Variants in RANBP2 observed in about 807,000 individuals in gnomAD.
RANBP2 encodes RAN binding protein 2, also known as E3 SUMO-protein ligase RanBP2.
A neutral mutation model predicts 303.6 loss-of-function variants in RANBP2; 57 were observed. The observed-to-expected ratio is 0.19, with a 90% CI of 0.15 to 0.23. The LOEUF is 0.23. Among genes scored for constraint, RANBP2 ranks in the 10% least tolerant of loss-of-function variants. RANBP2 has a pLI of 1.00. For synonymous variants in RANBP2, 1,167 were observed against 1,301.5 expected (o/e 0.90, Z 2.23); for missense variants, 3,138 against 3,780.8 (o/e 0.83, Z 4.46).
At position 108,766,359 on chromosome 2, in the gene RANBP2, A is replaced by G. The variant is rs577551183; in HGVS notation, c.5820A>G (p.Gln1940=). The change falls in exon 20 of 29, where the codon CAA becomes CAG. Residue 1940 remains glutamine, a synonymous_variant. Transcript: ENST00000283195. The part of the protein sequence containing the change: ...QKNGRGVIFG[Q]TSSTFTFADL... ...ATGGCCGTGGTGTGATTTTTGGCCA[A>G]ACAAGTAGCACTTTTACATTTGCAG... is the stretch of plus-strand genomic sequence containing the variant. 3.7e-6 allele frequency: 6 copies of G among 1,612,014 alleles called. No homozygotes were observed. Among genetic ancestry groups the G allele is most frequent in the South Asian group, 3.3e-5 (3 of 90,990 alleles).
the RANBP2 span, among the ~76,000 whole-genome samples, chr2:109,199,587 T>TCAACCCGAGTGCA: frequency 1.0e-3 from 1 of 978 alleles, no homozygotes; most frequent in Non-Finnish European, 2.3e-3. Context: ...TGGAATGGAA[T>TCAACCCGAGTGCA]GGAATGGAAT....
chr2:109,214,639 C>T, the RANBP2 span, among the ~76,000 whole-genome samples: 4 of 152,208 alleles, frequency 2.6e-5, no homozygotes, highest in South Asian at 6.2e-4. Context: ...CCTGGAAGAA[C>T]GTCTCTGCCT....
chr2:109,243,216 A>G, the RANBP2 span, among the ~76,000 whole-genome samples: 1 of 152,240 alleles, frequency 6.6e-6, no homozygotes, highest in Non-Finnish European at 1.5e-5. Flanking sequence ...AGAGGTCTGC[A>G]GATCCCCTGC....
At chr2:109,054,691 C>T in the RANBP2 span, among the ~76,000 whole-genome samples, 3 of 144,330 alleles carry the variant, frequency 2.1e-5, no homozygotes, top group African/African-American at 7.9e-5. Flanking sequence ...AGTGAGACTC[C>T]GTCTCAAAAA....
chr2:109,343,882 T>G, the RANBP2 span, among the ~76,000 whole-genome samples: 3,944 of 152,212 alleles, frequency 0.026, 160 homozygotes, highest in African/African-American at 0.088. Context: ...TAGCTGAGAC[T>G]ACAGGTACTT....
At chr2:109,239,347 G>A in the RANBP2 span, among the ~76,000 whole-genome samples, 1 of 152,098 alleles carries the variant, frequency 6.6e-6, no homozygotes, top group Non-Finnish European at 1.5e-5. Flanking sequence ...AAGATTCAAT[G>A]GGTCATTTCC....
chr2:109,010,027 G>A, the RANBP2 span, among the ~76,000 whole-genome samples: 33 of 152,172 alleles, frequency 2.2e-4, no homozygotes, highest in East Asian at 5.4e-3. Context: ...TGGATGTACT[G>A]TAAAGTATTT....
At chr2:109,098,914 G>A in the RANBP2 span, among the ~76,000 whole-genome samples, 1 of 152,310 alleles carries the variant, frequency 6.6e-6, no homozygotes, top group South Asian at 2.1e-4. Flanking sequence ...TGAAGTTGTA[G>A]ATTGCTCTGA....
At chr2:108,796,297 G>A in the RANBP2 span, among the ~76,000 whole-genome samples, 230 of 150,998 alleles carry the variant, frequency 1.5e-3, no homozygotes, top group African/African-American at 5.3e-3. Flanking sequence ...CTCGTGATCC[G>A]CCCGCCTCTG....
the RANBP2 span, among the ~76,000 whole-genome samples, chr2:109,499,499 G>A: frequency 6.6e-6 from 1 of 152,180 alleles, no homozygotes. Flanking sequence ...AAGGGCTGGG[G>A]GTGCAGGGGC....
chr2:108,827,410 T>C, the RANBP2 span, among the ~76,000 whole-genome samples: 1 of 152,226 alleles, frequency 6.6e-6, no homozygotes, highest in African/African-American at 2.4e-5. Context: ...ACTACAAATT[T>C]TATTTAATGA....
At chr2:109,711,441 C>A in the RANBP2 span, among the ~76,000 whole-genome samples, 9 of 152,144 alleles carry the variant, frequency 5.9e-5, no homozygotes, top group Admixed American at 4.6e-4. Flanking sequence ...TGCACAGCAG[C>A]CAGAAGAGTC....
At chr2:109,079,114 T>C in the RANBP2 span, among the ~76,000 whole-genome samples, 66 of 152,292 alleles carry the variant, frequency 4.3e-4, no homozygotes, top group African/African-American at 1.4e-3. Flanking sequence ...AGTCCACTTA[T>C]ATGGGGATTT....
the RANBP2 span, chr2:109,564,265 GGAGA>G: frequency 9.2e-7 from 1 of 1,090,980 alleles, no homozygotes; most frequent in Non-Finnish European, 1.2e-6. Flanking sequence ...CATGGTTTTG[GGAGA>G]TTCTAAAGAA....
chr2:109,408,824 A>G, the RANBP2 span, among the ~76,000 whole-genome samples: 1 of 152,256 alleles, frequency 6.6e-6, no homozygotes, highest in Non-Finnish European at 1.5e-5. Flanking sequence ...GCAAAGCTGG[A>G]TGGAGAAGCC....
At chr2:108,836,706 A>T in the RANBP2 span, among the ~76,000 whole-genome samples, 2 of 152,160 alleles carry the variant, frequency 1.3e-5, no homozygotes, top group African/African-American at 4.8e-5. Context: ...ATGAAATTTC[A>T]TTCTATTTAT....
At chr2:108,800,873 C>T in the RANBP2 span, among the ~76,000 whole-genome samples, 31 of 121,070 alleles carry the variant, frequency 2.6e-4, no homozygotes, top group East Asian at 5.7e-3. Context: ...TGAGAATATG[C>T]GGTGTTTGGT....
the RANBP2 span, among the ~76,000 whole-genome samples, chr2:109,183,666 G>A: frequency 6.6e-6 from 1 of 152,190 alleles, no homozygotes; most frequent in Non-Finnish European, 1.5e-5. Context: ...TTCTGAAAAT[G>A]TACAGTTCAT....
At chr2:109,576,483 T>G in the RANBP2 span, among the ~76,000 whole-genome samples, 46 of 152,236 alleles carry the variant, frequency 3.0e-4, no homozygotes, top group African/African-American at 1.1e-3. Flanking sequence ...CAATTCATCA[T>G]CAAAGTGATT....
Sources: gnomAD v4.1 joint callset for allele counts (sites outside exome capture counted in the v4.1 genomes callset) on GRCh38, gnomAD v4.1.1 for gene constraint, MANE v1.5 for transcripts, NCBI Gene and HGNC (gene_info 2026-07-23, HGNC 2026-07-21) for gene names.